The following CDK13 variants were observed in gnomAD, a reference collection of about 807,000 sequenced individuals.
CDK13 encodes the protein cyclin dependent kinase 13.
Under a neutral mutation model 137.6 loss-of-function variants are expected in CDK13, and 40 were observed. The ratio of observed to expected loss-of-function variants is 0.29; its 90% CI spans 0.23 to 0.38. The LOEUF (loss-of-function observed/expected upper bound fraction) is 0.38, where lower values mean the gene tolerates loss of function less well. Ranked by LOEUF, CDK13 falls within the 10% of genes least tolerant of loss-of-function variation. CDK13 has a pLI of 1.00. For missense variants in CDK13, 1,704 were observed against 1,951.8 expected (o/e 0.87, Z 2.39); for synonymous variants, 869 against 760.1 (o/e 1.14, Z -2.36).
intron 5 of CDK13, among the ~76,000 whole-genome samples, chr7:40,005,255 G>A (rs550639121): frequency 1.7e-4 from 26 of 149,476 alleles, no homozygotes; most frequent in African/African-American, 6.1e-4. Flanking sequence ...AGTTAATCAC[G>A]AAGGTTATTA....
intron 9 of CDK13, among the ~76,000 whole-genome samples, chr7:40,075,531 T>G (rs1313867296): frequency 6.6e-6 from 1 of 152,120 alleles, no homozygotes; most frequent in Admixed American, 6.5e-5. Context: ...TTGTTTATTA[T>G]AAGACTATTA....
At chr7:39,980,733 A>C (rs1784206744) in intron 1 of CDK13, among the ~76,000 whole-genome samples, 1 of 152,208 alleles carries the variant, frequency 6.6e-6, no homozygotes, top group Non-Finnish European at 1.5e-5. Context: ...TATTATCAGT[A>C]TTACAGTAAA....
chr7:39,996,383 A>G (rs571175744), intron 2 of CDK13, among the ~76,000 whole-genome samples: 1 of 152,334 alleles, frequency 6.6e-6, no homozygotes, highest in Non-Finnish European at 1.5e-5. Context: ...ATATTAGATG[A>G]CAGACTTTGT....
chr7:40,001,039 G>A (rs1193290286), intron 4 of CDK13, among the ~76,000 whole-genome samples: 1 of 152,060 alleles, frequency 6.6e-6, no homozygotes, highest in Non-Finnish European at 1.5e-5. Context: ...TTACTGCTAG[G>A]TAACTGGCCA....
At chr7:40,062,791 TA>T (rs1786183617) in intron 7 of CDK13, 34 bp from the exon 8 acceptor site, 1 of 1,406,818 alleles carries the variant, frequency 7.1e-7, no homozygotes, top group Non-Finnish European at 1.0e-6. Context: ...CTCCAACAAA[TA>T]CTAACTCTAA....
intron 11 of CDK13, among the ~76,000 whole-genome samples, chr7:40,080,618 T>C (rs576074620): frequency 3.7e-4 from 56 of 152,334 alleles, no homozygotes; most frequent in Non-Finnish European, 7.5e-4. Flanking sequence ...TTTGCTTTTT[T>C]CTTAGTGTGT....
At chr7:40,067,259 GTACAGGC>G (rs1164031385) in intron 9 of CDK13, 6 of 152,222 alleles carry the variant, frequency 3.9e-5, no homozygotes, top group African/African-American at 1.4e-4. Flanking sequence ...TTACTCCAAA[GTACAGGC>G]TGGGTGCGGT....
intron 1 of CDK13, among the ~76,000 whole-genome samples, chr7:39,976,319 T>TCACA (rs1320736487): frequency 3.7e-5 from 2 of 54,322 alleles, no homozygotes; most frequent in African/African-American, 5.2e-5. Flanking sequence ...TCTCTCTCTC[T>TCACA]CTCTCACACA....
At chr7:39,981,428 T>C (rs1784221358) in intron 1 of CDK13, among the ~76,000 whole-genome samples, 2 of 152,148 alleles carry the variant, frequency 1.3e-5, no homozygotes, top group South Asian at 4.1e-4. Flanking sequence ...CTACCTCCAT[T>C]TCAGTTCTTT....
intron 1 of CDK13, among the ~76,000 whole-genome samples, chr7:39,969,577 A>G (rs1562703853): frequency 6.6e-6 from 1 of 152,104 alleles, no homozygotes; most frequent in Non-Finnish European, 1.5e-5. Context: ...TTGACTTCCT[A>G]CAGTCCCATG....
intron 12 of CDK13, among the ~76,000 whole-genome samples, chr7:40,089,459 A>G (rs1310132330): frequency 6.6e-6 from 1 of 150,392 alleles, no homozygotes; most frequent in Non-Finnish European, 1.5e-5. Flanking sequence ...AAAAAAGGAT[A>G]TCTTATATCT....
chr7:39,957,090 C>CT (rs956436477), intron 1 of CDK13, among the ~76,000 whole-genome samples: 2 of 140,934 alleles, frequency 1.4e-5, no homozygotes, highest in Non-Finnish European at 3.1e-5. Context: ...ATCCCACTGT[C>CT]GTGTGTGTGT....
chr7:39,983,841 T>A (rs1453313561), intron 1 of CDK13, among the ~76,000 whole-genome samples: 1 of 152,160 alleles, frequency 6.6e-6, no homozygotes, highest in African/African-American at 2.4e-5. Flanking sequence ...TTAACCAAGT[T>A]ATTTCACAAC....
intron 1 of CDK13, among the ~76,000 whole-genome samples, chr7:39,978,713 C>A (rs1423761903): frequency 6.6e-6 from 1 of 152,142 alleles, no homozygotes; most frequent in Non-Finnish European, 1.5e-5. Flanking sequence ...GATTGTGGTT[C>A]AGTAGGTCTG....
Position 39,952,871 on chromosome 7 carries a change from A to G in CDK13, c.1211+1019A>G, listed in dbSNP as rs189263730. ...ATTCTTTTTAAAAAGTGTGCCTTAA[A>G]ATATACTTATCCACTAAGCAAAGTG... On this transcript the variant is annotated intron_variant, in intron 1 of 13. Transcript: ENST00000181839. The G allele has an allele frequency of 5.3e-5, 8 of 152,320 alleles. 1 individual carries two copies. In the East Asian group the frequency reaches 1.3e-3, roughly 26 times the overall value. 9.4% of individuals were successfully genotyped at this position (152,320 alleles called of 1,614,324 possible).
rs1357655492 is a variant in CDK13 at position 40,094,553 on chromosome 7, A to G, written c.4112A>G (p.Asn1371Ser). 2 of 1,611,436 alleles carry G rather than the reference A, an allele frequency of 1.2e-6. No individual in the cohort carries two copies. The highest frequency in any genetic ancestry group is 1.7e-6 in the Non-Finnish European group (2 of 1,178,626). Residue 1371 changes from asparagine (N) to serine (S), a missense_variant, in exon 14 of 14, where the codon AAT becomes AGT. Around this residue, in one of 5 missense-constraint regions of CDK13, gnomAD observed 475 missense variants for 579.3 expected, o/e 0.82. Coordinates refer to ENST00000181839, the MANE Select transcript of CDK13 (RefSeq NM_003718.5). ...PPLERRSFIG[N>S]SDIQSLDNYS... is the part of the protein sequence containing the mutation. ...CTAGAACGACGTAGTTTCATTGGAA[A>G]TTCAGATATTCAGTCTTTGGATAAC...
chr7:40,034,001 T>C (rs1298563769), intron 5 of CDK13, among the ~76,000 whole-genome samples: 1 of 152,290 alleles, frequency 6.6e-6, no homozygotes, highest in African/African-American at 2.4e-5. Context: ...GATAATTAAT[T>C]TCTCTTGAAG....
In CDK13 at chr7:40,066,192, G is replaced by C. The variant is rs192870619; in HGVS notation, c.2780+3092G>C. Among the ~76,000 whole-genome samples, 323 of 152,276 alleles carry C rather than the reference G, an allele frequency of 2.1e-3. 11 individuals are homozygous for C. Among genetic ancestry groups the C allele is most frequent in the Non-Finnish European group, 2.8e-4 (19 of 68,028 alleles). ...CGCATTCCAGCCTGGTTGACAGAGT[G>C]AGACCATGTCTCCAAAATAAAAAAC... On this transcript the variant is annotated intron_variant, in intron 9 of 13. Transcript: ENST00000181839.
chr7:40,083,239 C>G (rs1399764055), intron 11 of CDK13, among the ~76,000 whole-genome samples: 1 of 149,642 alleles, frequency 6.7e-6, no homozygotes, highest in Non-Finnish European at 1.5e-5. Context: ...TGGGAACCAA[C>G]GCAGGAGGAT....
Sources: gnomAD v4.1 joint callset for allele counts (sites outside exome capture counted in the v4.1 genomes callset) on GRCh38, gnomAD v4.1.1 for gene constraint, gnomAD v4.1.1 regional missense constraint, MANE v1.5 for transcripts, NCBI Gene and HGNC (gene_info 2026-07-23, HGNC 2026-07-21) for gene names.